The following DAPK1 variants were observed in gnomAD, a reference collection of about 807,000 sequenced individuals.
The protein encoded by DAPK1 is death-associated protein kinase 1.
A neutral mutation model predicts 144.9 loss-of-function variants in DAPK1; 56 were observed. That is an observed-to-expected ratio of 0.39 (90% CI 0.31 to 0.48). DAPK1 has a LOEUF of 0.48. Among genes scored for constraint, DAPK1 ranks in the 20% least tolerant of loss-of-function variants. The pLI, the probability that DAPK1 is intolerant of heterozygous loss-of-function variation, is 0.95. For synonymous variants in DAPK1, 690 were observed against 749.0 expected (o/e 0.92, Z 1.29); for missense variants, 1,454 against 1,875.4 (o/e 0.78, Z 4.15).
At chr9:87,561,899 A>T (rs1054701888) in intron 2 of DAPK1, among the ~76,000 whole-genome samples, 6 of 152,130 alleles carry the variant, frequency 3.9e-5, no homozygotes, top group Admixed American at 2.6e-4. Context: ...CCAGGGTTCA[A>T]GCAAGGAGAA....
chr9:87,638,126 A>T (rs777268128), intron 4 of DAPK1, 45 bp downstream of exon 4: 1 of 1,548,414 alleles, frequency 6.5e-7, no homozygotes. Flanking sequence ...TGCAGATCAC[A>T]GCCTTGGTTG....
At chr9:87,665,448 C>T (rs960425899) in intron 18 of DAPK1, among the ~76,000 whole-genome samples, 1 of 152,190 alleles carries the variant, frequency 6.6e-6, no homozygotes, top group Non-Finnish European at 1.5e-5. Context: ...TCCATATTTT[C>T]CCCAACACTA....
chr9:87,658,085 G>T lies in DAPK1; in HGVS notation c.1881G>T (p.Arg627=), dbSNP rs767821378. Residue 627 remains arginine (R), a synonymous_variant, in exon 18 of 26, where the codon CGG becomes CGT. Coordinates refer to ENST00000408954, the MANE Select transcript of DAPK1 (RefSeq NM_004938.4). Reference sequence around the variant, plus strand: ...ACAACGGAATCCTAGACGTGGTCCGGTATCTCTGTCTGATGGGAGCCAGCG... The same window carrying T: ...ACAACGGAATCCTAGACGTGGTCCGTTATCTCTGTCTGATGGGAGCCAGCG... ...AANNGILDVV[R]YLCLMGASVE... is the part of the protein sequence containing the mutation. 1.3e-6 allele frequency: 2 copies of T among 1,547,230 alleles called. No individual in the cohort carries two copies. The highest frequency in any genetic ancestry group is 1.7e-4 in the Middle Eastern group (1 of 5,986).
In DAPK1 at chr9:87,681,496, C is replaced by T. The variant is rs370481138; in HGVS notation, c.2094C>T (p.Ser698=). The T allele has an allele frequency of 1.6e-5, 25 of 1,612,792 alleles. No homozygotes were observed. The highest frequency in any genetic ancestry group is 3.3e-5 in the Admixed American group (2 of 60,002). The change falls in exon 20 of 26, where the codon TCC becomes TCT. Residue 698 remains serine (S), a synonymous_variant. Transcript: ENST00000408954. ...IKLKLFGHSG[S]GKTTLVESLK... ...TCAAGCTGTTTGGCCACTCGGGATC[C>T]GGGAAAACCACCCTTGTAGAATCTC... is the stretch of plus-strand genomic sequence containing the variant.
chr9:87,538,443 G>T (rs898610909), intron 2 of DAPK1, among the ~76,000 whole-genome samples: 2 of 152,154 alleles, frequency 1.3e-5, no homozygotes, highest in African/African-American at 4.8e-5. Context: ...GCAGATCTGT[G>T]CTCATGTTAT....
intron 18 of DAPK1, among the ~76,000 whole-genome samples, chr9:87,659,377 G>T (rs999670885): frequency 3.9e-5 from 6 of 152,182 alleles, no homozygotes; most frequent in African/African-American, 1.4e-4. Context: ...GCTAGATCTT[G>T]TTGGCCATTG....
At chr9:87,564,259 T>C (rs1827035019) in intron 2 of DAPK1, among the ~76,000 whole-genome samples, 1 of 152,120 alleles carries the variant, frequency 6.6e-6, no homozygotes, top group African/African-American at 2.4e-5. Context: ...TGGTGGGTTA[T>C]TGGGTGACAA....
intron 25 of DAPK1, 72 bp downstream of exon 25, chr9:87,703,289 C>T (rs1357927760): frequency 1.2e-6 from 1 of 840,310 alleles, no homozygotes; most frequent in African/African-American, 1.7e-5. Flanking sequence ...AATTCCAGCT[C>T]TTGGAAGTGG....
intron 7 of DAPK1, 36 bp downstream of exon 7, chr9:87,639,851 C>A (rs1324695557): frequency 6.2e-7 from 1 of 1,606,724 alleles, no homozygotes; most frequent in African/African-American, 1.3e-5. Context: ...ACTCTCTTCT[C>A]TTCTATGAGA....
rs1360386913 is a variant in DAPK1 at position 87,651,667 on chromosome 9, C to T, written c.1767C>T (p.Asn589=). ...TPLHVACKDG[N]MPIVVALCEA... The stretch of plus-strand genomic sequence containing the variant: ...TCCATGTGGCATGTAAAGATGGCAA[C>T]ATGCCTATCGTGGTGGCCCTCTGTG... Residue 589 remains asparagine (N), a synonymous_variant, in exon 17 of 26, where the codon AAC becomes AAT. Transcript: ENST00000408954. 1.2e-6 allele frequency: 2 copies of T among 1,614,210 alleles called. No homozygotes were observed. The highest frequency in any genetic ancestry group is 1.7e-5 in the Admixed American group (1 of 60,036).
intron 2 of DAPK1, among the ~76,000 whole-genome samples, chr9:87,600,530 C>T (rs886386669): frequency 4.6e-5 from 7 of 152,082 alleles, no homozygotes; most frequent in African/African-American, 1.7e-4. Context: ...GAGGTCAAGG[C>T]TGCAGTGAGC....
At chr9:87,654,131 G>C (rs1338211893) in intron 17 of DAPK1, among the ~76,000 whole-genome samples, 1 of 152,154 alleles carries the variant, frequency 6.6e-6, no homozygotes, top group Non-Finnish European at 1.5e-5. Context: ...GAAAATAACT[G>C]TGCTTTTAGG....
At chr9:87,538,804 T>G (rs774725981) in intron 2 of DAPK1, among the ~76,000 whole-genome samples, 1 of 152,100 alleles carries the variant, frequency 6.6e-6, no homozygotes, top group Non-Finnish European at 1.5e-5. Context: ...AATGAATTAT[T>G]AAGCTTTATA....
chr9:87,564,016 G>A (rs143804325), intron 2 of DAPK1, among the ~76,000 whole-genome samples: 22 of 152,272 alleles, frequency 1.4e-4, no homozygotes, highest in South Asian at 1.2e-3. Flanking sequence ...TAGGATGCCC[G>A]TCTCCCCTTT....
intron 2 of DAPK1, among the ~76,000 whole-genome samples, chr9:87,572,708 A>G (rs1438552229): frequency 2.0e-5 from 3 of 152,110 alleles, no homozygotes; most frequent in African/African-American, 7.2e-5. Flanking sequence ...GCCTCCCCAG[A>G]AGCTGAGCAG....
At chr9:87,546,848 A>G (rs1028935615) in intron 2 of DAPK1, among the ~76,000 whole-genome samples, 2 of 151,484 alleles carry the variant, frequency 1.3e-5, no homozygotes, top group African/African-American at 2.4e-5. Context: ...TGCATTCCAT[A>G]TTAGCTTTAT....
chr9:87,499,261 A>T (rs997595491), intron 2 of DAPK1, 122 bp downstream of exon 2: 2 of 887,698 alleles, frequency 2.3e-6, no homozygotes, highest in African/African-American at 3.3e-5. Flanking sequence ...GGAGATGCGC[A>T]AATCATAGAG....
upstream of DAPK1, chr9:87,497,346 G>C (rs1393754436): frequency 6.6e-6 from 1 of 152,126 alleles, no homozygotes; most frequent in Non-Finnish European, 1.5e-5. Flanking sequence ...AACCTGTTTC[G>C]TGGTAAACGT....
At chr9:87,607,494 G>T (rs1828772015) in intron 3 of DAPK1, among the ~76,000 whole-genome samples, 1 of 152,130 alleles carries the variant, frequency 6.6e-6, no homozygotes, top group African/African-American at 2.4e-5. Flanking sequence ...TACATATTGT[G>T]CATTCAACAT....
Sources: allele counts gnomAD v4.1 joint callset (sites outside exome capture counted in the v4.1 genomes callset), GRCh38; gene constraint gnomAD v4.1.1; transcripts MANE v1.5; gene names NCBI Gene and HGNC (gene_info 2026-07-23, HGNC 2026-07-21).